PRKD1: variants seen among roughly 807,000 people sequenced by gnomAD.
PRKD1 encodes serine/threonine-protein kinase D1.
PRKD1 carries 63 observed loss-of-function variants against 95.9 expected under a neutral mutation model. The observed-to-expected ratio is 0.66, with a 90% CI of 0.54 to 0.81. The LOEUF (loss-of-function observed/expected upper bound fraction) is 0.81, where lower values mean the gene tolerates loss of function less well. Ranked by LOEUF, PRKD1 falls within the 30% of genes least tolerant of loss-of-function variation. The pLI, the probability that PRKD1 is intolerant of heterozygous loss-of-function variation, is 0.00. For synonymous variants in PRKD1, 425 were observed against 423.1 expected, an observed-to-expected ratio of 1.00 and a Z score of -0.05; for missense variants, 1,048 against 1,165.3, an observed-to-expected ratio of 0.90 and a Z score of 1.47.
intron 1 of PRKD1, among the ~76,000 whole-genome samples, chr14:29,806,586 T>C (rs1275548152): frequency 6.6e-6 from 1 of 152,126 alleles, no homozygotes; most frequent in African/African-American, 2.4e-5. Context: ...TAGATGAGCA[T>C]TAGAAAATGG....
At chr14:29,587,505 T>C (rs1205158532) in intron 16 of PRKD1, among the ~76,000 whole-genome samples, 1 of 152,216 alleles carries the variant, frequency 6.6e-6, no homozygotes, top group East Asian at 1.9e-4. Context: ...ACAGGAAATA[T>C]TTCTATTTTG....
At chr14:29,620,901 C>T (rs1386640723) in intron 13 of PRKD1, among the ~76,000 whole-genome samples, 1 of 151,760 alleles carries the variant, frequency 6.6e-6, no homozygotes, top group African/African-American at 2.4e-5. Flanking sequence ...GCACTATTCA[C>T]AATAGCAAAG....
At chr14:29,675,825 T>C (rs1883137279) in intron 2 of PRKD1, among the ~76,000 whole-genome samples, 2 of 152,072 alleles carry the variant, frequency 1.3e-5, no homozygotes, top group African/African-American at 2.4e-5. Flanking sequence ...TCATGTCCTT[T>C]GCAGGGACAT....
intron 1 of PRKD1, among the ~76,000 whole-genome samples, chr14:29,785,645 G>A (rs1324608009): frequency 1.3e-5 from 2 of 149,324 alleles, no homozygotes; most frequent in Admixed American, 6.7e-5. Flanking sequence ...ACACAGGAAG[G>A]GGAACATCAC....
Position 29,577,298 on chromosome 14 carries a change from G to A in PRKD1, c.2679C>T (p.Asp893=). Reference sequence around the variant, plus strand: ...TTTCTGTTTCTTCAGTCTCAGGAGTGTCACTGTGGCTAGCACTTGGATTGA... The same window carrying A: ...TTTCTGTTTCTTCAGTCTCAGGAGTATCACTGTGGCTAGCACTTGGATTGA... The part of the protein sequence containing the change: ...HLINPSASHS[D]TPETEETEMK... Residue 893 remains aspartate (D), a synonymous_variant, in exon 18 of 18, where the codon GAC becomes GAT. Transcript: ENST00000331968. The A allele has an allele frequency of 6.2e-7, 1 of 1,613,856 alleles. No individual in the cohort carries two copies. The highest frequency in any genetic ancestry group is 1.7e-4 in the Middle Eastern group (1 of 6,042).
intron 2 of PRKD1, among the ~76,000 whole-genome samples, chr14:29,679,049 C>G (rs953110078): frequency 5.3e-5 from 8 of 152,050 alleles, no homozygotes; most frequent in Non-Finnish European, 1.0e-4. Context: ...AAGTATTTGT[C>G]CTAGACAAAA....
chr14:29,833,889 GA>G (rs111670049), intron 1 of PRKD1, among the ~76,000 whole-genome samples: 5 of 148,956 alleles, frequency 3.4e-5, no homozygotes, highest in South Asian at 4.2e-4. Context: ...CAGCGAGCCT[GA>G]AAAAAAAAGG....
chr14:29,826,792 C>CATATATATATACAT (rs1461222050), intron 1 of PRKD1, among the ~76,000 whole-genome samples: 2 of 32,722 alleles, frequency 6.1e-5, no homozygotes, highest in Non-Finnish European at 1.3e-4. Flanking sequence ...CATATATACA[C>CATATATATATACAT]ATATATATAC....
intron 1 of PRKD1, among the ~76,000 whole-genome samples, chr14:29,786,719 T>C (rs1889291032): frequency 6.6e-6 from 1 of 152,096 alleles, no homozygotes; most frequent in South Asian, 2.1e-4. Flanking sequence ...TTTATTTGGG[T>C]TTTCTCTCTT....
chr14:29,889,683 G>C (rs10144366), intron 1 of PRKD1, among the ~76,000 whole-genome samples: 45,215 of 151,938 alleles, frequency 0.3, 6,830 homozygotes, highest in East Asian at 0.35. Flanking sequence ...AGTGGGAGCT[G>C]AACAACGAGA....
At chr14:29,806,759 T>C (rs1022912405) in intron 1 of PRKD1, among the ~76,000 whole-genome samples, 1 of 152,170 alleles carries the variant, frequency 6.6e-6, no homozygotes, top group Admixed American at 6.5e-5. Context: ...GATTTGTAAA[T>C]GTATTTACAG....
chr14:29,616,578 A>G lies in PRKD1; in HGVS notation c.1905+7574T>C, dbSNP rs542307324. On this transcript the variant is annotated intron_variant, in intron 13 of 17. Coordinates refer to ENST00000331968, the MANE Select transcript of PRKD1 (RefSeq NM_002742.3). ...CCTGCCTCAGCCACCCAAGTAGCTG[A>G]GACTACAGGTGCACACTACCAACCG... 2.4e-3 allele frequency among the ~76,000 whole-genome samples: 363 copies of G among 150,854 alleles called. 1 individual carries two copies. The highest frequency in any genetic ancestry group is 6.8e-3 in the Middle Eastern group (2 of 292).
chr14:29,790,612 A>T (rs1453929953), intron 1 of PRKD1, among the ~76,000 whole-genome samples: 1 of 152,056 alleles, frequency 6.6e-6, no homozygotes, highest in Non-Finnish European at 1.5e-5. Context: ...TATTTCTGTA[A>T]AGTTTTCTTC....
Position 29,826,720 on chromosome 14 carries a change from T to TAC in PRKD1, c.264+100527_264+100528dup, listed in dbSNP as rs1468462660. ...ATATACATATATACACATATATATATACATATATATACACATATATATACA... is the reference window on the plus strand; with the variant it reads ...ATATACATATATACACATATATATATACACATATATATACACATATATATACA... On this transcript the variant is annotated intron_variant, in intron 1 of 17. Coordinates refer to ENST00000331968, the MANE Select transcript of PRKD1 (RefSeq NM_002742.3). Among the ~76,000 whole-genome samples, 14 of 63,530 alleles carry TAC rather than the reference T, an allele frequency of 2.2e-4. 1 individual carries two copies. Among genetic ancestry groups the TAC allele is most frequent in the African/African-American group, 7.8e-4 (13 of 16,618 alleles). The allele number at this position is 63,530 out of a possible 152,430, so 41.7% of individuals were successfully genotyped here. A position where few individuals can be genotyped will look rare whatever the true frequency, so the allele number is the denominator to read the frequency against.
In PRKD1 at chr14:29,758,973, T is replaced by C. The variant is rs45546037; in HGVS notation, c.265-33299A>G. ...TCTATACTTACGAACTCCCAATTTATTGTGTTTCATATATAAGAAGAAAGC... is the reference window on the plus strand; with the variant it reads ...TCTATACTTACGAACTCCCAATTTACTGTGTTTCATATATAAGAAGAAAGC... On this transcript the variant is annotated intron_variant, in intron 1 of 17. Coordinates refer to ENST00000331968, the MANE Select transcript of PRKD1 (RefSeq NM_002742.3). 4.5e-3 allele frequency among the ~76,000 whole-genome samples: 680 copies of C among 152,338 alleles called. 8 individuals carry two copies. Among genetic ancestry groups the C allele is most frequent in the African/African-American group, 0.015 (623 of 41,570 alleles).
intron 1 of PRKD1, among the ~76,000 whole-genome samples, chr14:29,826,758 C>CAT (rs1311294781): frequency 1.0e-4 from 4 of 40,026 alleles, no homozygotes; most frequent in East Asian, 8.0e-4. Flanking sequence ...TATATATATA[C>CAT]ATATATATAT....
intron 1 of PRKD1, among the ~76,000 whole-genome samples, chr14:29,897,698 T>C (rs59823120): frequency 0.037 from 5,576 of 152,240 alleles, 350 homozygotes; most frequent in African/African-American, 0.13. Flanking sequence ...TAGTTATTTT[T>C]TAAAGCTATG....
intron 13 of PRKD1, among the ~76,000 whole-genome samples, chr14:29,602,442 T>G (rs1156353000): frequency 3.3e-5 from 5 of 150,168 alleles, no homozygotes; most frequent in African/African-American, 1.3e-4. Flanking sequence ...TTTTTTTTTT[T>G]TTGTTTTGAC....
intron 1 of PRKD1, among the ~76,000 whole-genome samples, chr14:29,753,074 GA>G (rs1887550799): frequency 2.0e-5 from 3 of 152,104 alleles, no homozygotes; most frequent in Admixed American, 2.0e-4. Context: ...TAGAAAGGGG[GA>G]AAATGCAAAT....
Sources: gnomAD v4.1 joint callset for allele counts (sites outside exome capture counted in the v4.1 genomes callset) on GRCh38, gnomAD v4.1.1 for gene constraint, MANE v1.5 for transcripts, NCBI Gene and HGNC (gene_info 2026-07-23, HGNC 2026-07-21) for gene names.